Variants in SUPT20H observed in about 807,000 individuals in gnomAD.
The protein encoded by SUPT20H is SPT20 homolog, SAGA complex component.
SUPT20H carries 82 observed loss-of-function variants against 122.8 expected under a neutral mutation model. The ratio of observed to expected loss-of-function variants is 0.67; its 90% CI spans 0.56 to 0.80. SUPT20H has a LOEUF of 0.80. Ranked by LOEUF, SUPT20H falls within the 30% of genes least tolerant of loss-of-function variation. SUPT20H has a pLI of 0.00. For synonymous variants in SUPT20H, 291 were observed against 313.0 expected (o/e 0.93, Z 0.74); for missense variants, 831 against 921.6 (o/e 0.90, Z 1.27).
chr13:37,053,244 T>A (rs1399700458), intron 1 of SUPT20H, among the ~76,000 whole-genome samples: 2 of 152,148 alleles, frequency 1.3e-5, no homozygotes, highest in South Asian at 4.1e-4. Flanking sequence ...TGGAGCACTA[T>A]TTACAATAAT....
At chr13:37,014,416 A>C (rs2139143242) in intron 23 of SUPT20H, among the ~76,000 whole-genome samples, 1 of 152,270 alleles carries the variant, frequency 6.6e-6, no homozygotes, top group South Asian at 2.1e-4. Flanking sequence ...CACTCCTAAC[A>C]GCAGAATATA....
chr13:37,022,207 G>T lies in SUPT20H; in HGVS notation c.1592-127C>A. The stretch of plus-strand genomic sequence containing the variant: ...GGCTGAGGGGTGAAGCCTGAATCTT[G>T]GGGAGTAGGGGTGGCTGAAGGGGTA... On this transcript the variant is annotated intron_variant, in intron 19 of 25. Coordinates refer to ENST00000350612, the MANE Select transcript of SUPT20H (RefSeq NM_001014286.3). The surrounding 1 kb of genome is among the most constrained non-coding windows in gnomAD (Gnocchi z 4.5). The T allele has an allele frequency of 6.3e-7, 1 of 1,593,972 alleles. No homozygotes were observed. The highest frequency in any genetic ancestry group is 2.3e-5 in the East Asian group (1 of 44,192).
intron 17 of SUPT20H, chr13:37,024,676 A>C: frequency 3.6e-6 from 1 of 277,906 alleles, no homozygotes; most frequent in Non-Finnish European, 6.6e-6. Flanking sequence ...AGAATGAGGA[A>C]AAGATTTCTG....
chr13:37,009,888 C>T (rs2059289664), intron 25 of SUPT20H, 79 bp from the exon 26 acceptor site: 5 of 1,526,760 alleles, frequency 3.3e-6, no homozygotes, highest in Non-Finnish European at 4.4e-6. Context: ...AGTGACGAAA[C>T]AACACAACTG....
chr13:37,022,252 C>T lies in SUPT20H; in HGVS notation c.1592-172G>A. On this transcript the variant is annotated intron_variant, in intron 19 of 25. Coordinates refer to ENST00000350612, the MANE Select transcript of SUPT20H (RefSeq NM_001014286.3). This position sits in a 1 kb window ranked among gnomAD's most constrained non-coding sequence, Gnocchi z 4.5. ...GGGGTACTAGGAGTTGAGCTCTGAGCATCAGGAGGGTGTGGGGTCGATGAA... is the reference window on the plus strand; with the variant it reads ...GGGGTACTAGGAGTTGAGCTCTGAGTATCAGGAGGGTGTGGGGTCGATGAA... 1 of 1,539,524 alleles carries T rather than the reference C, an allele frequency of 6.5e-7. No individual in the cohort carries two copies. Among genetic ancestry groups the T allele is most frequent in the Non-Finnish European group, 8.8e-7 (1 of 1,140,998 alleles).
intron 9 of SUPT20H, among the ~76,000 whole-genome samples, chr13:37,037,380 A>G (rs1326342365): frequency 6.6e-6 from 1 of 152,098 alleles, no homozygotes; most frequent in South Asian, 2.1e-4. Flanking sequence ...TAGGAAACCA[A>G]AAAGTTCATG....
intron 14 of SUPT20H, among the ~76,000 whole-genome samples, chr13:37,027,553 C>G (rs1261400151): frequency 2.0e-5 from 3 of 151,990 alleles, no homozygotes; most frequent in African/African-American, 4.8e-5. Context: ...TCCTTTTCTG[C>G]TGAGCTTCTT....
chr13:37,029,743 G>A, intron 13 of SUPT20H, 22 bp downstream of exon 13: 1 of 1,588,402 alleles, frequency 6.3e-7, no homozygotes, highest in Non-Finnish European at 8.6e-7. Context: ...ATTAGAAACA[G>A]AGACAGGCAA....
chr13:37,012,992 T>C (rs1488229211), intron 23 of SUPT20H: 2 of 152,114 alleles, frequency 1.3e-5, no homozygotes, highest in East Asian at 3.9e-4. Context: ...GGACATATAC[T>C]ATGTTCATGT....
rs182155599 is a variant in SUPT20H, at chr13:37,052,367, C to A, written c.-93-784G>T. Among the ~76,000 whole-genome samples, 13 of 152,216 alleles carry A rather than the reference C, an allele frequency of 8.5e-5. 1 individual carries two copies. The highest frequency in any genetic ancestry group is 3.3e-4 in the Admixed American group (5 of 15,284). ...CAGAACAGAGGCCTCAGAAATAACA[C>A]CACACATCTACAACCATCTAATCTT... On this transcript the variant is annotated intron_variant, in intron 1 of 25. Transcript: ENST00000350612.
chr13:37,026,101 T>C lies in SUPT20H; in HGVS notation c.1211+103A>G, dbSNP rs1449188408. The C allele has an allele frequency of 1.0e-5, 9 of 902,924 alleles. No individual in the cohort carries two copies. In the Admixed American group the frequency reaches 1.3e-4, roughly 13 times the overall value. The allele number at this position is 902,924 out of a possible 1,614,324, so 55.9% of individuals were successfully genotyped here. A position where few individuals can be genotyped will look rare whatever the true frequency, so the allele number is the denominator to read the frequency against. On this transcript the variant is annotated intron_variant, in intron 16 of 25. Coordinates refer to ENST00000350612, the MANE Select transcript of SUPT20H (RefSeq NM_001014286.3). ...AACAGTGTAAATATGGTTAACAGCATAACCAAAATCAAAGTTTTTAACTCC... is the reference window on the plus strand; with the variant it reads ...AACAGTGTAAATATGGTTAACAGCACAACCAAAATCAAAGTTTTTAACTCC...
chr13:37,052,343 A>C (rs2067922375), intron 1 of SUPT20H, among the ~76,000 whole-genome samples: 1 of 152,108 alleles, frequency 6.6e-6, no homozygotes, highest in Non-Finnish European at 1.5e-5. Flanking sequence ...ACAGACCAAC[A>C]GAACAGAGGC....
chr13:37,052,093 A>G (rs2067860076), intron 1 of SUPT20H, among the ~76,000 whole-genome samples: 1 of 152,212 alleles, frequency 6.6e-6, no homozygotes, highest in Non-Finnish European at 1.5e-5. Context: ...ATATTGTGAA[A>G]ATGGCCATAT....
At position 37,015,957 on chromosome 13, in the gene SUPT20H, A is replaced by T. The variant is rs115150597; in HGVS notation, c.1992+1288T>A. The stretch of plus-strand genomic sequence containing the variant: ...ATAACTATATAACTGCACTTATATG[A>T]GGTATCTTGAATAGTCAAACTCATA... On this transcript the variant is annotated intron_variant, in intron 23 of 25. Transcript: ENST00000350612. Among the ~76,000 whole-genome samples, 4 of 152,184 alleles carry T rather than the reference A, an allele frequency of 2.6e-5. No homozygotes were observed. In the South Asian group the frequency reaches 8.3e-4, roughly 31 times the overall value.
At chr13:37,040,366 T>C in intron 9 of SUPT20H, 39 bp downstream of exon 9, 2 of 1,524,054 alleles carry the variant, frequency 1.3e-6, no homozygotes, top group East Asian at 2.3e-5. Flanking sequence ...TTTCATCCTA[T>C]ATTTTGCCTG....
At chr13:37,034,900 T>C (rs1158983581) in intron 9 of SUPT20H, among the ~76,000 whole-genome samples, 1 of 152,208 alleles carries the variant, frequency 6.6e-6, no homozygotes, top group Non-Finnish European at 1.5e-5. Flanking sequence ...ATCAGTGCTC[T>C]ATAAATGAAA....
At chr13:37,014,202 A>G (rs1298185839) in intron 23 of SUPT20H, among the ~76,000 whole-genome samples, 2 of 152,170 alleles carry the variant, frequency 1.3e-5, no homozygotes, top group Non-Finnish European at 2.9e-5. Flanking sequence ...TAAGGGGTAA[A>G]TTAATCAAGG....
At position 37,028,308 on chromosome 13, in the gene SUPT20H, G is replaced by GAAAAATGCATAGCACCTCAA. The variant is rs1346466182; in HGVS notation, c.994-23_994-4dup. 2 of 1,600,810 alleles carry GAAAAATGCATAGCACCTCAA rather than the reference G, an allele frequency of 1.2e-6. No homozygotes were observed. Reference sequence around the variant, plus strand: ...AATACATAATCATCTTTTACATCCTGAAAAATGCATAGCACCTCAAATAAA... The same window carrying GAAAAATGCATAGCACCTCAA: ...AATACATAATCATCTTTTACATCCTGAAAAATGCATAGCACCTCAAAAAAATGCATAGCACCTCAAATAAA... On this transcript the variant is annotated splice_polypyrimidine_tract_variant and splice_region_variant and intron_variant, in intron 13 of 25. Transcript: ENST00000350612.
rs533552357 is a variant in SUPT20H at position 37,010,095 on chromosome 13, A to G, written c.2203-286T>C. ...GCAACTTCAGTTACCATTTTGTTGT[A>G]TAATGATGGTTTATAGCAATATAAA... On this transcript the variant is annotated intron_variant, in intron 25 of 25. Transcript: ENST00000350612. Among the ~76,000 whole-genome samples the G allele has an allele frequency of 5.9e-5, 9 of 152,360 alleles. No homozygotes were observed. The South Asian group carries it at 1.9e-3, about 32-fold the overall frequency.
Sources: gnomAD v4.1 joint callset for allele counts (sites outside exome capture counted in the v4.1 genomes callset) on GRCh38, gnomAD v4.1.1 for gene constraint, Gnocchi (gnomAD v3.1) non-coding constraint, MANE v1.5 for transcripts, NCBI Gene and HGNC (gene_info 2026-07-23, HGNC 2026-07-21) for gene names.